The following SENP7 variants were observed in gnomAD, a reference collection of about 807,000 sequenced individuals.
SENP7 encodes SUMO specific peptidase 7, also known as sentrin-specific protease 7.
A neutral mutation model predicts 141.2 loss-of-function variants in SENP7; 64 were observed. That is an observed-to-expected ratio of 0.45 (90% CI 0.37 to 0.56). The LOEUF is 0.56. Ranked by LOEUF, SENP7 falls within the 20% of genes least tolerant of loss-of-function variation. SENP7 has a pLI of 0.00. For missense variants in SENP7, 1,025 were observed against 1,212.2 expected (o/e 0.85, Z 2.29); for synonymous variants, 382 against 426.4 (o/e 0.90, Z 1.28).
chr3:101,381,452 A>G (rs891507706), intron 6 of SENP7, among the ~76,000 whole-genome samples: 1 of 152,262 alleles, frequency 6.6e-6, no homozygotes, highest in South Asian at 2.1e-4. Context: ...CCAGAAAAAT[A>G]TTTAGATGAA....
chr3:101,401,192 T>A (rs2107588972), intron 5 of SENP7, among the ~76,000 whole-genome samples: 1 of 151,114 alleles, frequency 6.6e-6, no homozygotes, highest in Non-Finnish European at 1.5e-5. Flanking sequence ...TGCTGCAGAG[T>A]CAAGTTGTGA....
chr3:101,382,036 G>C (rs2060516450), intron 6 of SENP7, among the ~76,000 whole-genome samples: 2 of 152,130 alleles, frequency 1.3e-5, no homozygotes, highest in Non-Finnish European at 1.5e-5. Flanking sequence ...CCCTCTGTTG[G>C]AAGTCTATAT....
chr3:101,472,154 A>T (rs1222102721), intron 3 of SENP7, among the ~76,000 whole-genome samples: 1 of 152,268 alleles, frequency 6.6e-6, no homozygotes, highest in Non-Finnish European at 1.5e-5. Context: ...ATTACTGGGT[A>T]TACACCCAAA....
chr3:101,431,812 C>A (rs1014537175), intron 4 of SENP7, among the ~76,000 whole-genome samples: 1 of 152,058 alleles, frequency 6.6e-6, no homozygotes, highest in Non-Finnish European at 1.5e-5. Context: ...CTGAGGTCTG[C>A]CTTAGACTCT....
At chr3:101,492,031 G>A (rs2064986007) in intron 3 of SENP7, among the ~76,000 whole-genome samples, 1 of 152,140 alleles carries the variant, frequency 6.6e-6, no homozygotes. Flanking sequence ...GGCAGAGGTT[G>A]CGGTGAGCCG....
intron 3 of SENP7, among the ~76,000 whole-genome samples, chr3:101,490,804 A>G (rs1017149001): frequency 6.6e-6 from 1 of 152,176 alleles, no homozygotes; most frequent in Non-Finnish European, 1.5e-5. Flanking sequence ...CAACAACAAA[A>G]AAGTTGAGTA....
chr3:101,361,881 A>G lies in SENP7; in HGVS notation c.1477-20T>C, dbSNP rs770197966. On this transcript the variant is annotated intron_variant, in intron 10 of 23. Transcript: ENST00000394095. ...TGACATCTAACAAGGAATAAATCAT[A>G]AAATGCATATAATTCTTAAGTACTA... 5.8e-5 allele frequency: 91 copies of G among 1,576,674 alleles called. 1 individual carries two copies. Among genetic ancestry groups the G allele is most frequent in the East Asian group, 9.1e-5 (4 of 43,878 alleles).
intron 6 of SENP7, among the ~76,000 whole-genome samples, chr3:101,393,579 CAT>C (rs1205029307): frequency 4.6e-5 from 7 of 152,052 alleles, no homozygotes; most frequent in Non-Finnish European, 7.4e-5. Flanking sequence ...GTCCAATAGA[CAT>C]ATGAAAAAAT....
Position 101,356,112 on chromosome 3 carries a change from A to C in SENP7, c.1624-4461T>G, listed in dbSNP as rs773010790. Reference sequence around the variant, plus strand: ...TAAAATAATATAGTAATTTATTTGAATATACTTTTAACTATAATTAATCAT... The same window carrying C: ...TAAAATAATATAGTAATTTATTTGACTATACTTTTAACTATAATTAATCAT... On this transcript the variant is annotated intron_variant, in intron 11 of 23. Coordinates refer to ENST00000394095, the MANE Select transcript of SENP7 (RefSeq NM_020654.5). Among the ~76,000 whole-genome samples the C allele has an allele frequency of 6.0e-4, 91 of 152,208 alleles. 1 individual carries two copies. The highest frequency in any genetic ancestry group is 3.4e-3 in the Middle Eastern group (1 of 294).
chr3:101,474,506 T>A (rs866244162), intron 3 of SENP7, among the ~76,000 whole-genome samples: 3 of 152,192 alleles, frequency 2.0e-5, no homozygotes, highest in African/African-American at 7.2e-5. Context: ...ATAGGAGTGC[T>A]AGTGATTTTT....
intron 3 of SENP7, among the ~76,000 whole-genome samples, chr3:101,459,967 T>C (rs1418536507): frequency 6.6e-6 from 1 of 152,148 alleles, no homozygotes; most frequent in Non-Finnish European, 1.5e-5. Context: ...AAATACTCAA[T>C]AATAAATTTA....
chr3:101,393,348 C>G (rs1241028720), intron 6 of SENP7, among the ~76,000 whole-genome samples: 1 of 152,026 alleles, frequency 6.6e-6, no homozygotes, highest in African/African-American at 2.4e-5. Context: ...GGGATTACAT[C>G]AAAATTAAAA....
At chr3:101,395,597 A>G (rs958118131) in intron 6 of SENP7, among the ~76,000 whole-genome samples, 1 of 152,168 alleles carries the variant, frequency 6.6e-6, no homozygotes, top group African/African-American at 2.4e-5. Flanking sequence ...TTCACTCAGG[A>G]CTGCTTTGGC....
Position 101,353,553 on chromosome 3 carries a change from A to G in SENP7, c.1624-1902T>C, listed in dbSNP as rs2059664512. On this transcript the variant is annotated intron_variant, in intron 11 of 23. Transcript: ENST00000394095. ...AAGAAAAATTTTGTGGCAGTAAGGT[A>G]AACCTAGTTCTCTGAAATCATACCA... 2.6e-5 allele frequency among the ~76,000 whole-genome samples: 4 copies of G among 152,052 alleles called. No homozygotes were observed. The South Asian group carries it at 8.3e-4, about 31-fold the overall frequency.
At chr3:101,431,643 G>C (rs1271676532) in intron 4 of SENP7, among the ~76,000 whole-genome samples, 1 of 151,722 alleles carries the variant, frequency 6.6e-6, no homozygotes, top group East Asian at 2.0e-4. Context: ...AATTAGCTGG[G>C]TGTGGTGGCG....
chr3:101,349,966 C>A (rs1054007415), intron 12 of SENP7, among the ~76,000 whole-genome samples: 3 of 152,074 alleles, frequency 2.0e-5, no homozygotes, highest in African/African-American at 7.2e-5. Flanking sequence ...GACTAGCTAG[C>A]TAATAAAATG....
chr3:101,458,915 AG>A (rs1289059217), intron 4 of SENP7, 39 bp downstream of exon 4: 14 of 1,169,070 alleles, frequency 1.2e-5, no homozygotes, highest in Non-Finnish European at 1.7e-5. Flanking sequence ...TCAACTTTAT[AG>A]GTTAAGCCCA....
intron 3 of SENP7, among the ~76,000 whole-genome samples, chr3:101,482,748 T>C (rs968704893): frequency 1.3e-5 from 2 of 152,164 alleles, no homozygotes; most frequent in Admixed American, 1.3e-4. Context: ...ACCTATCTTT[T>C]TATTTTTTTT....
chr3:101,358,797 GC>G (rs956000996), intron 11 of SENP7: 4 of 154,038 alleles, frequency 2.6e-5, no homozygotes, highest in African/African-American at 9.6e-5. Context: ...ACTATGCCTG[GC>G]TAATTTTTGT....
Sources: allele counts gnomAD v4.1 joint callset (sites outside exome capture counted in the v4.1 genomes callset), GRCh38; gene constraint gnomAD v4.1.1; transcripts MANE v1.5; gene names NCBI Gene and HGNC (gene_info 2026-07-23, HGNC 2026-07-21).